CD163: variants seen among roughly 807,000 people sequenced by gnomAD.
CD163 encodes the protein scavenger receptor cysteine-rich type 1 protein M130.
A neutral mutation model predicts 129.2 loss-of-function variants in CD163; 64 were observed. The observed-to-expected ratio is 0.50, with a 90% CI of 0.41 to 0.61. The LOEUF is 0.61. CD163 is among the 20% of genes least tolerant of loss of function. CD163 has a pLI of 0.00. For synonymous variants in CD163, 446 were observed against 478.5 expected (o/e 0.93, Z 0.89); for missense variants, 1,061 against 1,377.9 (o/e 0.77, Z 3.64).
At chr12:7,502,727 A>G (rs748835026) in intron 1 of CD163, 163 bp from the exon 2 acceptor site, 2 of 651,196 alleles carry the variant, frequency 3.1e-6, no homozygotes, top group South Asian at 1.8e-5. Context: ...CCAGGCTCAT[A>G]TAGTTTCAGT....
rs1452121262 is a variant in CD163, at chr12:7,495,196, T to C, written c.1305A>G (p.Thr435=). ...QVYSKIQATN[T]WLFLSSCNGN... is the part of the protein sequence containing the mutation. ...CGTTACAGCTACTTAGAAACAGCCATGTGTTTGTTGCCTGGATTTTGGAGT... is the reference window on the plus strand; with the variant it reads ...CGTTACAGCTACTTAGAAACAGCCACGTGTTTGTTGCCTGGATTTTGGAGT... The change falls in exon 6 of 17, where the codon ACA becomes ACG. Residue 435 remains threonine (T), a synonymous_variant. Transcript: ENST00000432237. 1 of 1,614,052 alleles carries C rather than the reference T, an allele frequency of 6.2e-7. No homozygotes were observed. Among genetic ancestry groups the C allele is most frequent in the South Asian group, 1.1e-5 (1 of 91,084 alleles).
rs140587974 is a variant in CD163 at position 7,472,370 on chromosome 12, G to A, written c.*32-973C>T. ...ACCCCTCTGGGACGAAACTTCCAGA[G>A]GAATGAGAAGGCAGCAATCTTTGCT... On this transcript the variant is annotated intron_variant, in intron 16 of 16. Coordinates refer to ENST00000432237, the MANE Select transcript of CD163 (RefSeq NM_203416.4). Among the ~76,000 whole-genome samples, 57 of 152,332 alleles carry A rather than the reference G, an allele frequency of 3.7e-4. No homozygotes were observed. The South Asian group carries it at 4.3e-3, about 12-fold the overall frequency.
intron 16 of CD163, among the ~76,000 whole-genome samples, chr12:7,477,935 A>G (rs1179388818): frequency 1.3e-5 from 2 of 152,204 alleles, no homozygotes; most frequent in East Asian, 3.8e-4. Context: ...TTACAACACT[A>G]GAATTTTTAG....
intron 11 of CD163, 101 bp from the exon 12 acceptor site, chr12:7,483,776 C>A (rs773600254): frequency 6.1e-5 from 27 of 443,652 alleles, no homozygotes; most frequent in South Asian, 3.6e-4. Context: ...AAAAAAAAAA[C>A]TATTTAAAAT....
chr12:7,500,988 T>G, intron 3 of CD163, 151 bp downstream of exon 3: 1 of 656,230 alleles, frequency 1.5e-6, no homozygotes, highest in Non-Finnish European at 2.6e-6. Context: ...AATGACCTCG[T>G]GTTTTGTGGT....
At chr12:7,476,131 A>G (rs1949083833) in intron 16 of CD163, among the ~76,000 whole-genome samples, 2 of 152,212 alleles carry the variant, frequency 1.3e-5, no homozygotes, top group Admixed American at 1.3e-4. Context: ...ATAGATAGGA[A>G]GAATCAATAT....
chr12:7,498,189 G>A (rs1283441640), intron 4 of CD163, among the ~76,000 whole-genome samples: 1 of 151,868 alleles, frequency 6.6e-6, no homozygotes, highest in Admixed American at 6.6e-5. Context: ...GGTGAAGATA[G>A]GGATTTTTTA....
chr12:7,495,459 A>ATT, intron 5 of CD163, 58 bp from the exon 6 acceptor site: 1 of 1,484,190 alleles, frequency 6.7e-7, no homozygotes, highest in Non-Finnish European at 9.2e-7. Flanking sequence ...CTTCCAGAGG[A>ATT]TTTTTTTTTG....
chr12:7,488,819 G>A (rs1949291610), intron 6 of CD163, among the ~76,000 whole-genome samples: 1 of 152,110 alleles, frequency 6.6e-6, no homozygotes, highest in Non-Finnish European at 1.5e-5. Flanking sequence ...TGTATGACAA[G>A]CCCACTATAT....
chr12:7,494,003 T>C (rs1293312178), intron 6 of CD163, among the ~76,000 whole-genome samples: 1 of 152,206 alleles, frequency 6.6e-6, no homozygotes, highest in Non-Finnish European at 1.5e-5. Flanking sequence ...CAAGAAATTT[T>C]ACTAAGTGAA....
chr12:7,488,171 G>A (rs1387466324), intron 6 of CD163, 84 bp from the exon 7 acceptor site: 24 of 1,390,740 alleles, frequency 1.7e-5, no homozygotes, highest in Middle Eastern at 3.7e-4. Flanking sequence ...GTGGTGTGGA[G>A]TGGGAAATGG....
chr12:7,486,742 A>T lies in CD163; in HGVS notation c.2215T>A (p.Ser739Thr). Reference sequence around the variant, plus strand: ...CTGTCATCACAGATGGTGCCCCAGGAGCCCTCATGATAGATCTCTACTCTC... The same window carrying T: ...CTGTCATCACAGATGGTGCCCCAGGTGCCCTCATGATAGATCTCTACTCTC... ...AGRVEIYHEG[S>T]WGTICDDSWD... Residue 739 changes from serine (S) to threonine (T), a missense_variant, in exon 10 of 17, where the codon TCC becomes ACC. Coordinates refer to ENST00000432237, the MANE Select transcript of CD163 (RefSeq NM_203416.4). 6.2e-7 allele frequency: 1 copy of T among 1,614,212 alleles called. No individual in the cohort carries two copies. Among genetic ancestry groups the T allele is most frequent in the Non-Finnish European group, 8.5e-7 (1 of 1,180,024 alleles).
In CD163 at chr12:7,471,017, A is replaced by T. The variant is rs1948994738; in HGVS notation, c.*412T>A. 1 of 152,156 alleles carries T rather than the reference A, an allele frequency of 6.6e-6. No homozygotes were observed. The highest frequency in any genetic ancestry group is 2.4e-5 in the African/African-American group (1 of 41,442). The allele number at this position is 152,156 out of a possible 1,614,324, so 9.4% of individuals were successfully genotyped here. On this transcript the variant is annotated 3_prime_UTR_variant, in exon 17 of 17. Coordinates refer to ENST00000432237, the MANE Select transcript of CD163 (RefSeq NM_203416.4). ...ATTTTTATTTGGTAATAGGAAAATT[A>T]TTCAAACCAAATAAGAAAAAATATA...
In CD163 at chr12:7,501,343, C is replaced by T; in HGVS notation, c.253G>A (p.Val85Ile). ...CCCAGCTGGTTACAAATCACAGAGA[C>T]CGCTTCCATGCTCCAGCCATTATTA... ...VCNNGWSMEA[V>I]SVICNQLGCP... The change falls in exon 3 of 17, where the codon GTC becomes ATC. Residue 85 changes from valine (V) to isoleucine (I), a missense_variant. Coordinates refer to ENST00000432237, the MANE Select transcript of CD163 (RefSeq NM_203416.4). The T allele has an allele frequency of 6.2e-7, 1 of 1,614,136 alleles. No individual in the cohort carries two copies.
At position 7,486,572 on chromosome 12, in the gene CD163, A is replaced by G; in HGVS notation, c.2385T>C (p.Ile795=). Residue 795 remains isoleucine, a synonymous_variant, in exon 10 of 17, where the codon ATT becomes ATC. Transcript: ENST00000432237. ...CCCAGCCGTGTGAATGGCACTGCCA[A>G]ATGCGGGATTCTTTTCCATTGCATT... The part of the protein sequence containing the change: ...EMKCNGKESR[I]WQCHSHGWGQ... 1 of 1,614,218 alleles carries G rather than the reference A, an allele frequency of 6.2e-7. No homozygotes were observed. Among genetic ancestry groups the G allele is most frequent in the South Asian group, 1.1e-5 (1 of 91,088 alleles).
In CD163 at chr12:7,496,971, G is replaced by A. The variant is rs1045643401; in HGVS notation, c.941C>T (p.Thr314Ile). The A allele has an allele frequency of 3.1e-6, 5 of 1,613,950 alleles. No individual in the cohort carries two copies. The African/African-American group carries it at 5.3e-5, about 17-fold the overall frequency. ...CKQLGCPTAVTAIGRVNASKG... is the reference protein window; with the variant it reads ...CKQLGCPTAVIAIGRVNASKG... ...ACTGGCGTTAACTCGACCAATGGCT[G>A]TGACGGCAGTTGGACATCCCAGTTG... is the stretch of plus-strand genomic sequence containing the variant. Residue 314 changes from threonine (T) to isoleucine (I), a missense_variant, in exon 5 of 17, where the codon ACA (threonine) becomes ATA (isoleucine). Thr to Ile is a moderately conservative substitution (Grantham distance 89, BLOSUM62 -1). Coordinates refer to ENST00000432237, the MANE Select transcript of CD163 (RefSeq NM_203416.4). This position sits in a 1 kb window ranked among gnomAD's most constrained non-coding sequence, Gnocchi z 4.8.
chr12:7,491,805 G>T lies in CD163; in HGVS notation c.1420+3276C>A, dbSNP rs771065264. 2.0e-5 allele frequency among the ~76,000 whole-genome samples: 3 copies of T among 152,062 alleles called. 1 individual carries two copies. The highest frequency in any genetic ancestry group is 4.4e-5 in the Non-Finnish European group (3 of 67,984). On this transcript the variant is annotated intron_variant, in intron 6 of 16. Transcript: ENST00000432237. ...TCAAATGAACTGTTTCTTAAGGTCA[G>T]ATGTCCTCTACAGTACATACACAGA...
chr12:7,486,950 G>A lies in CD163; in HGVS notation c.2087C>T (p.Ser696Leu), dbSNP rs766660196. Residue 696 changes from serine (S) to leucine (L), a missense_variant, in exon 9 of 17, where the codon TCG becomes TTG. By Grantham distance (145) the Ser-to-Leu change is moderately radical. Transcript: ENST00000432237. Reference sequence around the variant, plus strand: ...GGTAGGCCTTGTTGGGCCCAAAGACGATGAATTGCACGAGGACAGTGTTTG... The same window carrying A: ...GGTAGGCCTTGTTGGGCCCAAAGACAATGAATTGCACGAGGACAGTGTTTG... ...QSQTLSSCNS[S>L]SLGPTRPTIP... The A allele has an allele frequency of 1.2e-5, 19 of 1,613,984 alleles. No homozygotes were observed. Among genetic ancestry groups the A allele is most frequent in the Non-Finnish European group, 1.5e-5 (18 of 1,179,978 alleles).
At chr12:7,482,943 T>G in intron 13 of CD163, 23 bp downstream of exon 13, 1 of 1,611,668 alleles carries the variant, frequency 6.2e-7, no homozygotes, top group South Asian at 1.1e-5. Flanking sequence ...ATTGGTCTCA[T>G]CATCATAAAC....
Sources: gnomAD v4.1 joint callset for allele counts (sites outside exome capture counted in the v4.1 genomes callset) on GRCh38, gnomAD v4.1.1 for gene constraint, Gnocchi (gnomAD v3.1) non-coding constraint, MANE v1.5 for transcripts, NCBI Gene and HGNC (gene_info 2026-07-23, HGNC 2026-07-21) for gene names.